The following ZNF354B variants were observed in gnomAD, a reference collection of about 807,000 sequenced individuals.
ZNF354B encodes zinc finger protein 354B.
ZNF354B carries 10 observed loss-of-function variants against 12.9 expected under a neutral mutation model. That is an observed-to-expected ratio of 0.77 (90% CI 0.48 to 1.31). ZNF354B has a LOEUF of 1.31. ZNF354B is among the 40% of genes most tolerant of loss of function. The pLI, the probability that ZNF354B is intolerant of heterozygous loss-of-function variation, is 0.00. For missense variants in ZNF354B, 614 were observed against 711.7 expected, an observed-to-expected ratio of 0.86 and a Z score of 1.56; for synonymous variants, 260 against 243.7, an observed-to-expected ratio of 1.07 and a Z score of -0.62.
intron 4 of ZNF354B, among the ~76,000 whole-genome samples, chr5:178,871,314 C>A (rs1012774230): frequency 6.6e-6 from 1 of 152,200 alleles, no homozygotes; most frequent in African/African-American, 2.4e-5. Flanking sequence ...CCACTCAGGG[C>A]CTCTGCCCTG....
Position 178,861,051 on chromosome 5 carries a change from G to A in ZNF354B, c.4G>A (p.Ala2Thr). 8.6e-7 allele frequency: 1 copy of A among 1,164,722 alleles called. No individual in the cohort carries two copies. The highest frequency in any genetic ancestry group is 1.2e-6 in the Non-Finnish European group (1 of 805,372). 72.1% of individuals were successfully genotyped at this position (1,164,722 alleles called of 1,614,324 possible). M[A>T]AGQREARPQV... ...CCGGGAGAGCCAGAAAGAGGACATG[G>A]CTGCTGGGCAGCGGGAAGCGAGGCC... Residue 2 changes from alanine (A) to threonine (T), a missense_variant, in exon 2 of 5, where the codon GCT becomes ACT. Coordinates refer to ENST00000322434, the MANE Select transcript of ZNF354B (RefSeq NM_058230.3).
chr5:178,861,659 G>A (rs1561664852), intron 2 of ZNF354B, among the ~76,000 whole-genome samples: 1 of 120,228 alleles, frequency 8.3e-6, no homozygotes, highest in South Asian at 2.4e-4. Context: ...CGCTTGACTC[G>A]CAGGACACAG....
chr5:178,884,228 C>T lies in ZNF354B; in HGVS notation c.1776C>T (p.Ser592=), dbSNP rs749238105. 1 of 1,610,260 alleles carries T rather than the reference C, an allele frequency of 6.2e-7. No individual in the cohort carries two copies. The highest frequency in any genetic ancestry group is 1.7e-5 in the Admixed American group (1 of 59,334). Residue 592 remains serine, a synonymous_variant, in exon 5 of 5, where the codon TCC becomes TCT. Transcript: ENST00000322434. The part of the protein sequence containing the change: ...ACGKLFSQRS[S]LTNHYKIHIE... ...GGAAACTCTTTAGCCAGAGGTCATC[C>T]CTTACTAATCATTATAAAATTCACA...
chr5:178,875,103 C>G (rs1024389015), intron 4 of ZNF354B, among the ~76,000 whole-genome samples: 1 of 152,172 alleles, frequency 6.6e-6, no homozygotes, highest in Non-Finnish European at 1.5e-5. Flanking sequence ...TGTATTTCCT[C>G]AAGATTGCAG....
At chr5:178,867,292 A>C (rs757190731) in intron 4 of ZNF354B, among the ~76,000 whole-genome samples, 3 of 152,200 alleles carry the variant, frequency 2.0e-5, no homozygotes, top group Admixed American at 2.0e-4. Flanking sequence ...GTTGTTTTAG[A>C]ATAGGGCTGT....
At chr5:178,882,331 T>C (rs2114029957) in intron 4 of ZNF354B, among the ~76,000 whole-genome samples, 1 of 152,134 alleles carries the variant, frequency 6.6e-6, no homozygotes, top group East Asian at 1.9e-4. Context: ...TACAAAGGAG[T>C]TCAGAATGTA....
chr5:178,878,683 AG>A (rs1367099086), intron 4 of ZNF354B, among the ~76,000 whole-genome samples: 1 of 152,006 alleles, frequency 6.6e-6, no homozygotes, highest in East Asian at 1.9e-4. Flanking sequence ...TTCCACTTGG[AG>A]GTTTTTTTGT....
chr5:178,883,892 T>G lies in ZNF354B; in HGVS notation c.1440T>G (p.Ala480=). ...GAAAAGCCTTCAGACAGAGTTCCGCTCTCATTCAACATCAGAGAATGCATA... is the reference window on the plus strand; with the variant it reads ...GAAAAGCCTTCAGACAGAGTTCCGCGCTCATTCAACATCAGAGAATGCATA... The part of the protein sequence containing the change: ...VCGKAFRQSS[A]LIQHQRMHTG... The change falls in exon 5 of 5, where the codon GCT becomes GCG. Residue 480 remains alanine, a synonymous_variant. Coordinates refer to ENST00000322434, the MANE Select transcript of ZNF354B (RefSeq NM_058230.3). The G allele has an allele frequency of 6.2e-7, 1 of 1,614,122 alleles. No homozygotes were observed. The highest frequency in any genetic ancestry group is 8.5e-7 in the Non-Finnish European group (1 of 1,179,998).
intron 4 of ZNF354B, among the ~76,000 whole-genome samples, chr5:178,873,182 A>T (rs1248344623): frequency 6.6e-6 from 1 of 152,162 alleles, no homozygotes; most frequent in Non-Finnish European, 1.5e-5. Flanking sequence ...AAAGATCTTT[A>T]TATATGCTGG....
At chr5:178,880,551 G>A (rs1757702392) in intron 4 of ZNF354B, among the ~76,000 whole-genome samples, 1 of 149,668 alleles carries the variant, frequency 6.7e-6, no homozygotes, top group Non-Finnish European at 1.5e-5. Context: ...CCTGGCTGGA[G>A]TGGAATTAGA....
At chr5:178,860,625 G>A in intron 1 of ZNF354B, 1 of 168,274 alleles carries the variant, frequency 5.9e-6, no homozygotes, top group Non-Finnish European at 1.3e-5. Flanking sequence ...TGGGAGTCCC[G>A]GCCCGCCTCG....
At chr5:178,861,208 C>T in intron 2 of ZNF354B, 128 bp downstream of exon 2, 1 of 1,137,400 alleles carries the variant, frequency 8.8e-7, no homozygotes, top group Admixed American at 2.1e-5. Flanking sequence ...GGTCCGCCCT[C>T]ATGACTGGTG....
chr5:178,872,774 G>A (rs539156739), intron 4 of ZNF354B, among the ~76,000 whole-genome samples: 1 of 152,114 alleles, frequency 6.6e-6, no homozygotes, highest in African/African-American at 2.4e-5. Context: ...TTTGCCATTT[G>A]TATTTCCTTT....
At chr5:178,860,538 C>T (rs34489756) in intron 1 of ZNF354B, 86,054 of 188,196 alleles carry the variant, frequency 0.46, 20,498 homozygotes, top group African/African-American at 0.53. Context: ...AGTCGGGAGA[C>T]GATTCGTTGG....
At chr5:178,863,001 A>G (rs1757384882) in intron 2 of ZNF354B, among the ~76,000 whole-genome samples, 1 of 152,194 alleles carries the variant, frequency 6.6e-6, no homozygotes, top group South Asian at 2.1e-4. Context: ...AAAGCACATG[A>G]CCTGGGATCT....
At chr5:178,861,111 G>A (rs1757339137) in intron 2 of ZNF354B, 31 bp downstream of exon 2, 1 of 765,136 alleles carries the variant, frequency 1.3e-6, no homozygotes, top group Non-Finnish European at 2.2e-6. Context: ...GATCCCAGTG[G>A]ATGGATTTTC....
At chr5:178,867,131 G>C in intron 4 of ZNF354B, 60 bp downstream of exon 4, 1 of 1,476,430 alleles carries the variant, frequency 6.8e-7, no homozygotes. Context: ...GTTAATGAGA[G>C]GAGGTAGGAA....
intron 4 of ZNF354B, among the ~76,000 whole-genome samples, chr5:178,876,615 TA>T: frequency 6.6e-6 from 1 of 152,276 alleles, no homozygotes; most frequent in East Asian, 1.9e-4. Flanking sequence ...CAAGGAATTT[TA>T]ATTTTCCTAT....
chr5:178,864,605 GT>G, intron 2 of ZNF354B, among the ~76,000 whole-genome samples: 1 of 151,972 alleles, frequency 6.6e-6, no homozygotes, highest in South Asian at 2.1e-4. Context: ...TGTTTCAATA[GT>G]TTTTTATGTA....
Sources: allele counts gnomAD v4.1 joint callset (sites outside exome capture counted in the v4.1 genomes callset), GRCh38; gene constraint gnomAD v4.1.1; transcripts MANE v1.5; gene names NCBI Gene and HGNC (gene_info 2026-07-23, HGNC 2026-07-21).